The following KITLG variants were observed in gnomAD, a reference collection of about 807,000 sequenced individuals.
The protein encoded by KITLG is c-Kit ligand.
A neutral mutation model predicts 34.1 loss-of-function variants in KITLG; 13 were observed. The ratio of observed to expected loss-of-function variants is 0.38; its 90% confidence interval spans 0.25 to 0.61. The LOEUF (loss-of-function observed/expected upper bound fraction) is 0.61. Among genes scored for constraint, KITLG ranks in the 20% least tolerant of loss-of-function variants. The probability of loss-of-function intolerance (pLI) is 0.60; values close to 1 mark genes in which losing one functional copy is unlikely to be tolerated. For missense variants in KITLG, 292 were observed against 318.9 expected, an observed-to-expected ratio of 0.92 and a Z score of 0.64; for synonymous variants, 110 against 104.0, an observed-to-expected ratio of 1.06 and a Z score of -0.35.
At chr12:88,580,056 T>G in intron 1 of KITLG, 1 of 615,482 alleles carries the variant, frequency 1.6e-6, no homozygotes, top group Non-Finnish European at 2.9e-6. Context: ...TGGCTCCCTC[T>G]CAGCACTCCC....
At chr12:88,537,545 G>T (rs1048461506) in intron 2 of KITLG, among the ~76,000 whole-genome samples, 2 of 151,676 alleles carry the variant, frequency 1.3e-5, no homozygotes, top group African/African-American at 4.8e-5. Context: ...TGGGTGATGG[G>T]ATCAATCATA....
rs1004470792 is a variant in KITLG at position 88,506,368 on chromosome 12, G to T, written c.725C>A (p.Pro242Gln). Reference sequence around the variant, plus strand: ...ATTTTCAACTGCCCTTGTAAGACTTGGCTGTCTCTTCTGGAAAAAGAAGAA... The same window carrying T: ...ATTTTCAACTGCCCTTGTAAGACTTTGCTGTCTCTTCTGGAAAAAGAAGAA... ...FGALYWKKRQ[P>Q]SLTRAVENIQ... The change falls in exon 8 of 10, where the codon CCA (proline) becomes CAA (glutamine). Residue 242 changes from proline (P) to glutamine (Q), a missense_variant. Transcript: ENST00000644744. 7 of 1,604,130 alleles carry T rather than the reference G, an allele frequency of 4.4e-6. No individual in the cohort carries two copies. The highest frequency in any genetic ancestry group is 5.1e-6 in the Non-Finnish European group (6 of 1,171,006).
intron 6 of KITLG, among the ~76,000 whole-genome samples, chr12:88,510,845 T>C (rs1298610404): frequency 6.6e-6 from 1 of 152,134 alleles, no homozygotes; most frequent in African/African-American, 2.4e-5. Flanking sequence ...TCCCTAACCC[T>C]TCTCCCAAAA....
chr12:88,552,305 G>A (rs1422803661), intron 1 of KITLG, among the ~76,000 whole-genome samples: 1 of 151,168 alleles, frequency 6.6e-6, no homozygotes, highest in Non-Finnish European at 1.5e-5. Context: ...CTCCCAAGTA[G>A]CTGGGATTAT....
In KITLG at chr12:88,511,628, A is replaced by G. The variant is rs2120822886; in HGVS notation, c.604+3906T>C. Among the ~76,000 whole-genome samples, 3 of 152,310 alleles carry G rather than the reference A, an allele frequency of 2.0e-5. 1 individual carries two copies. The highest frequency in any genetic ancestry group is 6.8e-3 in the Middle Eastern group (2 of 294). On this transcript the variant is annotated intron_variant, in intron 6 of 9. Coordinates refer to ENST00000644744, the MANE Select transcript of KITLG (RefSeq NM_000899.5). The stretch of plus-strand genomic sequence containing the variant: ...TCCAATAATAAGCTGTATATGCACC[A>G]GTAGAGAAGTCACAAAACCTGACCA...
At chr12:88,527,213 T>G (rs1437857616) in intron 3 of KITLG, among the ~76,000 whole-genome samples, 2 of 152,136 alleles carry the variant, frequency 1.3e-5, no homozygotes, top group Non-Finnish European at 2.9e-5. Flanking sequence ...CTCCTTTTCC[T>G]GTTTCCTAAG....
intron 9 of KITLG, among the ~76,000 whole-genome samples, 158 bp from the exon 10 acceptor site, chr12:88,497,339 T>C (rs1868680197): frequency 1.3e-5 from 2 of 152,194 alleles, no homozygotes; most frequent in Non-Finnish European, 2.9e-5. Flanking sequence ...AATATTTTCT[T>C]AGATGCAGTG....
At chr12:88,580,030 G>T (rs1040766841) in intron 1 of KITLG, 39 of 597,756 alleles carry the variant, frequency 6.5e-5, no homozygotes, top group Non-Finnish European at 1.2e-4. Context: ...AACTGCTGAG[G>T]CTCCAAACTT....
chr12:88,546,006 T>A (rs375591124), intron 1 of KITLG, 141 bp from the exon 2 acceptor site: 81 of 738,056 alleles, frequency 1.1e-4, no homozygotes, highest in South Asian at 8.2e-4. Context: ...ATATTACGCA[T>A]TCAAGCTATG....
chr12:88,557,357 T>C (rs1245407009), intron 1 of KITLG, among the ~76,000 whole-genome samples: 1 of 152,172 alleles, frequency 6.6e-6, no homozygotes, highest in Non-Finnish European at 1.5e-5. Flanking sequence ...TAAGCATTTG[T>C]GACAGCAGTA....
At chr12:88,506,433 T>G (rs1869063774) in intron 7 of KITLG, 55 bp from the exon 8 acceptor site, 1 of 1,284,480 alleles carries the variant, frequency 7.8e-7, no homozygotes, top group African/African-American at 1.5e-5. Context: ...GGTCTAATAT[T>G]TAAGAGGTAA....
chr12:88,534,071 G>T lies in KITLG; in HGVS notation c.130-1568C>A, dbSNP rs145919331. Among the ~76,000 whole-genome samples, 839 of 152,192 alleles carry T rather than the reference G, an allele frequency of 5.5e-3. 4 individuals are homozygous for T. Among genetic ancestry groups the T allele is most frequent in the African/African-American group, 0.016 (659 of 41,546 alleles). On this transcript the variant is annotated intron_variant, in intron 2 of 9. Coordinates refer to ENST00000644744, the MANE Select transcript of KITLG (RefSeq NM_000899.5). ...GTGCTAGGCACTGTGCTCACTATGG[G>T]CTTGGGCTGCATTATTACAATTTAT...
intron 1 of KITLG, among the ~76,000 whole-genome samples, chr12:88,568,712 T>C (rs1351467602): frequency 6.6e-6 from 1 of 152,180 alleles, no homozygotes; most frequent in African/African-American, 2.4e-5. Context: ...GGAAACCGTG[T>C]TAATTCTGAA....
Position 88,515,557 on chromosome 12 carries a change from C to G in KITLG, c.581G>C (p.Arg194Thr). 2.5e-6 allele frequency: 4 copies of G among 1,610,510 alleles called. No individual in the cohort carries two copies. Among genetic ancestry groups the G allele is most frequent in the Non-Finnish European group, 3.4e-6 (4 of 1,177,268 alleles). Reference protein sequence around the residue: ...MLPPVAASSLRNDSSSSNRKA... With the variant: ...MLPPVAASSLTNDSSSSNRKA... ...ACTATTACTGCTACTGCTGTCATTC[C>G]TAAGGGAGCTGGCTGCAACAGGGGG... Residue 194 changes from arginine (R) to threonine (T), a missense_variant, in exon 6 of 10, where the codon AGG (arginine) becomes ACG (threonine). Arg to Thr is a moderately conservative substitution (Grantham distance 71, BLOSUM62 -1). Transcript: ENST00000644744.
chr12:88,519,843 T>C (rs1208630002), intron 3 of KITLG, among the ~76,000 whole-genome samples: 1 of 152,108 alleles, frequency 6.6e-6, no homozygotes, highest in Non-Finnish European at 1.5e-5. Flanking sequence ...AGGCTGCTCT[T>C]GAACTCCTGG....
chr12:88,566,076 T>C (rs1462311633), intron 1 of KITLG, among the ~76,000 whole-genome samples: 2 of 152,206 alleles, frequency 1.3e-5, no homozygotes, highest in African/African-American at 2.4e-5. Context: ...CCTTTATTTA[T>C]TTATTTATTT....
intron 3 of KITLG, among the ~76,000 whole-genome samples, chr12:88,527,184 G>A (rs200387411): frequency 6.6e-6 from 1 of 152,070 alleles, no homozygotes; most frequent in Non-Finnish European, 1.5e-5. Flanking sequence ...CTACAGTCTT[G>A]GAGGCCTTGT....
At chr12:88,523,385 G>A (rs1481854818) in intron 3 of KITLG, among the ~76,000 whole-genome samples, 1 of 152,186 alleles carries the variant, frequency 6.6e-6, no homozygotes, top group Admixed American at 6.5e-5. Flanking sequence ...TTTTGTTCTA[G>A]TAGCCATGAG....
rs141393828 is a variant in KITLG at position 88,580,091 on chromosome 12, G to A, written c.15+173C>T. ...CACTCCTTTTCTCCCTGGCTCACCC[G>A]GCTCGGCTCGGGATCACACACCACG... On this transcript the variant is annotated intron_variant, in intron 1 of 9. Coordinates refer to ENST00000644744, the MANE Select transcript of KITLG (RefSeq NM_000899.5). 1,122 of 689,234 alleles carry A rather than the reference G, an allele frequency of 1.6e-3. 28 individuals are homozygous for A. In the East Asian group the frequency reaches 0.028, roughly 17 times the overall value. 42.7% of individuals were successfully genotyped at this position (689,234 alleles called of 1,614,324 possible).
Sources: gnomAD v4.1 joint callset for allele counts (sites outside exome capture counted in the v4.1 genomes callset) on GRCh38, gnomAD v4.1.1 for gene constraint, MANE v1.5 for transcripts, NCBI Gene and HGNC (gene_info 2026-07-23, HGNC 2026-07-21) for gene names.